The following LRRC4C variants were observed in gnomAD, a reference collection of about 807,000 sequenced individuals.
The protein encoded by LRRC4C is leucine rich repeat containing 4C.
A neutral mutation model predicts 33.6 loss-of-function variants in LRRC4C; 5 were observed. The ratio of observed to expected loss-of-function variants is 0.15; its 90% CI spans 0.08 to 0.31. LRRC4C has a LOEUF of 0.31. Ranked by LOEUF, LRRC4C falls within the 10% of genes least tolerant of loss-of-function variation. The pLI, the probability that LRRC4C is intolerant of heterozygous loss-of-function variation, is 1.00. For synonymous variants in LRRC4C, 329 were observed against 302.0 expected, an observed-to-expected ratio of 1.09 and a Z score of -0.93; for missense variants, 560 against 796.7, an observed-to-expected ratio of 0.70 and a Z score of 3.58.
At chr11:40,891,768 G>A (rs1955716673) in intron 2 of LRRC4C, among the ~76,000 whole-genome samples, 1 of 152,144 alleles carries the variant, frequency 6.6e-6, no homozygotes, top group South Asian at 2.1e-4. Flanking sequence ...TGGTGAATAT[G>A]TGGAGAAAGG....
chr11:41,067,700 A>G (rs549819640), intron 1 of LRRC4C, among the ~76,000 whole-genome samples: 2 of 152,056 alleles, frequency 1.3e-5, no homozygotes, highest in African/African-American at 4.8e-5. Context: ...AGAATTAATA[A>G]CAGTCTCTCA....
At chr11:41,240,970 G>T (rs1948227543) in intron 1 of LRRC4C, among the ~76,000 whole-genome samples, 2 of 152,274 alleles carry the variant, frequency 1.3e-5, no homozygotes, top group East Asian at 1.9e-4. Flanking sequence ...CCATTTTACT[G>T]TGGAAAGACA....
intron 3 of LRRC4C, among the ~76,000 whole-genome samples, chr11:40,569,396 C>A (rs888773188): frequency 5.9e-5 from 9 of 152,036 alleles, no homozygotes; most frequent in African/African-American, 1.9e-4. Flanking sequence ...GGTCCCATAC[C>A]TTTTACAGAC....
At chr11:41,016,507 A>G (rs1400320078) in intron 1 of LRRC4C, among the ~76,000 whole-genome samples, 1 of 152,156 alleles carries the variant, frequency 6.6e-6, no homozygotes, top group Non-Finnish European at 1.5e-5. Context: ...CTTTGAACAG[A>G]TGTTTTCCCT....
chr11:40,353,797 C>T (rs1334743714), intron 3 of LRRC4C, among the ~76,000 whole-genome samples: 3 of 152,154 alleles, frequency 2.0e-5, no homozygotes, highest in Admixed American at 2.0e-4. Context: ...TTTTATTGTG[C>T]TTCCTCTAAA....
chr11:40,214,596 TATAAA>T (rs1229745137), intron 5 of LRRC4C, among the ~76,000 whole-genome samples: 2 of 152,094 alleles, frequency 1.3e-5, no homozygotes, highest in Non-Finnish European at 2.9e-5. Context: ...TTAGTGTCCT[TATAAA>T]ATAAGATACC....
chr11:40,724,514 A>G (rs1947190688), intron 2 of LRRC4C, among the ~76,000 whole-genome samples: 1 of 152,194 alleles, frequency 6.6e-6, no homozygotes. Context: ...ACATCTGCAT[A>G]AACAACAAAA....
chr11:40,517,009 G>A (rs1418601128), intron 3 of LRRC4C, among the ~76,000 whole-genome samples: 5 of 152,102 alleles, frequency 3.3e-5, no homozygotes, highest in Admixed American at 6.6e-5. Flanking sequence ...TCACTGACCA[G>A]TATGGAGCAT....
intron 2 of LRRC4C, among the ~76,000 whole-genome samples, chr11:40,762,081 G>A (rs113399810): frequency 0.027 from 4,163 of 152,212 alleles, 82 homozygotes; most frequent in Middle Eastern, 0.041. Context: ...TTTTCCAAGG[G>A]ATTGTTCCTG....
intron 3 of LRRC4C, among the ~76,000 whole-genome samples, chr11:40,622,373 C>T (rs1483596886): frequency 6.6e-6 from 1 of 151,712 alleles, no homozygotes; most frequent in Non-Finnish European, 1.5e-5. Context: ...AAGGATTCTA[C>T]AGGGAATCAC....
At chr11:40,821,019 A>G (rs1951907517) in intron 2 of LRRC4C, among the ~76,000 whole-genome samples, 1 of 151,790 alleles carries the variant, frequency 6.6e-6, no homozygotes, top group African/African-American at 2.4e-5. Flanking sequence ...GCAACAGAAA[A>G]TCCTAAATTG....
At chr11:41,188,838 C>A (rs1364030690) in intron 1 of LRRC4C, among the ~76,000 whole-genome samples, 1 of 151,454 alleles carries the variant, frequency 6.6e-6, no homozygotes, top group Non-Finnish European at 1.5e-5. Context: ...AACCATATAT[C>A]CTTGTTGTTA....
chr11:40,338,213 T>G (rs1207585880), intron 3 of LRRC4C, among the ~76,000 whole-genome samples: 1 of 152,214 alleles, frequency 6.6e-6, no homozygotes, highest in Non-Finnish European at 1.5e-5. Flanking sequence ...GCAATTCAAT[T>G]TATGTCTCCT....
chr11:40,682,477 T>C (rs974752530), intron 2 of LRRC4C, among the ~76,000 whole-genome samples: 1 of 152,122 alleles, frequency 6.6e-6, no homozygotes, highest in African/African-American at 2.4e-5. Flanking sequence ...ACTTTTCATC[T>C]AAAGATATCT....
rs1854554756 is a variant in LRRC4C, at chr11:41,003,891, T to C, written c.-495-70168A>G. Among the ~76,000 whole-genome samples the C allele has an allele frequency of 4.6e-5, 7 of 152,016 alleles. No individual in the cohort carries two copies. In the South Asian group the frequency reaches 1.5e-3, roughly 32 times the overall value. ...TCCTGATTGAAAAGAGCCAATAGAA[T>C]AAAGCTGAGCAGAATCCTTGAAAGA... On this transcript the variant is annotated intron_variant, in intron 1 of 6. Coordinates refer to ENST00000528697, the MANE Select transcript of LRRC4C (RefSeq NM_001258419.2).
At chr11:40,567,408 C>G (rs1170512135) in intron 3 of LRRC4C, among the ~76,000 whole-genome samples, 1 of 152,130 alleles carries the variant, frequency 6.6e-6, no homozygotes, top group Non-Finnish European at 1.5e-5. Flanking sequence ...TATGTGTTTT[C>G]ACAAATGTTA....
At chr11:40,707,902 C>G in intron 2 of LRRC4C, among the ~76,000 whole-genome samples, 1 of 152,108 alleles carries the variant, frequency 6.6e-6, no homozygotes, top group Non-Finnish European at 1.5e-5. Flanking sequence ...TGTTATTGGT[C>G]TATTCAGCAA....
intron 3 of LRRC4C, among the ~76,000 whole-genome samples, chr11:40,450,041 C>T (rs1426005471): frequency 6.6e-6 from 1 of 151,864 alleles, no homozygotes; most frequent in Non-Finnish European, 1.5e-5. Context: ...TTTTAATGCT[C>T]CACTAGCTGT....
chr11:40,826,250 G>A (rs1952164783), intron 2 of LRRC4C, among the ~76,000 whole-genome samples: 1 of 151,928 alleles, frequency 6.6e-6, no homozygotes, highest in South Asian at 2.1e-4. Flanking sequence ...TGTAGTCAAT[G>A]CATGTTAATA....
Sources: allele counts gnomAD v4.1 joint callset (sites outside exome capture counted in the v4.1 genomes callset), GRCh38; gene constraint gnomAD v4.1.1; transcripts MANE v1.5; gene names NCBI Gene and HGNC (gene_info 2026-07-23, HGNC 2026-07-21).